Variants in BMS1 observed in about 807,000 individuals in gnomAD.
The protein encoded by BMS1 is BMS1 ribosome biogenesis factor.
A neutral mutation model predicts 138.7 loss-of-function variants in BMS1; 53 were observed. The observed-to-expected ratio is 0.38, with a 90% CI of 0.31 to 0.48. BMS1 has a LOEUF of 0.48. BMS1 is among the 20% of genes least tolerant of loss of function. The probability of loss-of-function intolerance (pLI) is 0.97; values close to 1 mark genes in which losing one functional copy is unlikely to be tolerated. For synonymous variants in BMS1, 504 were observed against 539.9 expected, an observed-to-expected ratio of 0.93 and a Z score of 0.92; for missense variants, 1,360 against 1,565.5, an observed-to-expected ratio of 0.87 and a Z score of 2.22.
In BMS1 at chr10:42,820,385, T is replaced by C; in HGVS notation, c.2730T>C (p.Gly910=). 3 of 1,613,848 alleles carry C rather than the reference T, an allele frequency of 1.9e-6. No individual in the cohort carries two copies. The highest frequency in any genetic ancestry group is 2.5e-6 in the Non-Finnish European group (3 of 1,179,848). Reference sequence around the variant, plus strand: ...ACCCCCATTACCCCATTATCCTGGGTGGCTTGGGCAACAGTGAGGGAAATG... The same window carrying C: ...ACCCCCATTACCCCATTATCCTGGGCGGCTTGGGCAACAGTGAGGGAAATG... The part of the protein sequence containing the change: ...NFDPHYPIIL[G]GLGNSEGNVG... Residue 910 remains glycine, a synonymous_variant, in exon 16 of 23, where the codon GGT becomes GGC. Transcript: ENST00000374518.
chr10:42,821,542 CTTT>C (rs34272995), intron 18 of BMS1, among the ~76,000 whole-genome samples: 5,037 of 68,956 alleles, frequency 0.073, 308 homozygotes, highest in Non-Finnish European at 0.094. Flanking sequence ...CTCAAGGCGC[CTTT>C]TTTTTTTTTT....
rs1220700029 is a variant in BMS1, at chr10:42,785,717, A to G, written c.367+45A>G. ...ACACAGAGTTGGCGTGGCTGTTGTC[A>G]TCTGAGGGACATGCATGCGTTTGTT... On this transcript the variant is annotated intron_variant, in intron 3 of 22. Transcript: ENST00000374518. 44 of 1,584,220 alleles carry G rather than the reference A, an allele frequency of 2.8e-5. No homozygotes were observed. In the South Asian group the frequency reaches 3.4e-4, roughly 12 times the overall value.
At chr10:42,822,625 A>T (rs753627205) in intron 19 of BMS1, among the ~76,000 whole-genome samples, 43 of 152,312 alleles carry the variant, frequency 2.8e-4, no homozygotes, top group South Asian at 6.2e-4. Flanking sequence ...GTATTTGGGG[A>T]GGTTGGTTTG....
chr10:42,798,761 G>T (rs1002838369), intron 12 of BMS1, 136 bp downstream of exon 12: 11 of 1,238,948 alleles, frequency 8.9e-6, no homozygotes, highest in Non-Finnish European at 1.2e-5. Flanking sequence ...CCCAGATATT[G>T]TAGTGGGCGC....
intron 11 of BMS1, 105 bp from the exon 12 acceptor site, chr10:42,798,363 C>G (rs1429828375): frequency 9.2e-6 from 13 of 1,409,534 alleles, no homozygotes; most frequent in Non-Finnish European, 1.3e-5. Flanking sequence ...GACAGAGTCC[C>G]TCAGTTCCTG....
chr10:42,814,483 CTTTG>C (rs1486905205), intron 13 of BMS1, among the ~76,000 whole-genome samples: 4 of 152,152 alleles, frequency 2.6e-5, no homozygotes, highest in East Asian at 1.9e-4. Context: ...GTTTTCAGTT[CTTTG>C]TTTGTTGCCA....
At chr10:42,806,265 A>G (rs1284347031) in intron 13 of BMS1, among the ~76,000 whole-genome samples, 6 of 152,166 alleles carry the variant, frequency 3.9e-5, no homozygotes, top group Non-Finnish European at 8.8e-5. Flanking sequence ...GCAGGAAACT[A>G]TCTACAGAAA....
chr10:42,816,513 G>C, intron 13 of BMS1, 86 bp from the exon 14 acceptor site: 1 of 1,092,402 alleles, frequency 9.2e-7, no homozygotes, highest in South Asian at 1.5e-5. Flanking sequence ...TTGGAACGCA[G>C]AGCACACTGT....
rs761363112 is a variant in BMS1, at chr10:42,796,558, A to G, written c.1314A>G (p.Glu438=). 1.2e-6 allele frequency: 2 copies of G among 1,614,218 alleles called. No homozygotes were observed. The highest frequency in any genetic ancestry group is 2.2e-5 in the South Asian group (2 of 91,084). ...RRKAIFGDED[E]SGDSDDEEDD... ...AAGCCATTTTCGGAGATGAAGATGA[A>G]TCTGGAGATAGTGATGATGAAGAAG... The change falls in exon 10 of 23, where the codon GAA becomes GAG. Residue 438 remains glutamate (E), a synonymous_variant. Coordinates refer to ENST00000374518, the MANE Select transcript of BMS1 (RefSeq NM_014753.4).
rs779609546 is a variant in BMS1 at position 42,792,546 on chromosome 10, G to A, written c.833G>A (p.Arg278Gln). 1.2e-5 allele frequency: 20 copies of A among 1,611,494 alleles called. No individual in the cohort carries two copies. The highest frequency in any genetic ancestry group is 2.2e-4 in the Middle Eastern group (1 of 4,450). Residue 278 changes from arginine to glutamine, a missense_variant, in exon 7 of 23, where the codon CGG becomes CAG. Transcript: ENST00000374518. ...EDIRTNIKCD[R>Q]KVSLYGYLRG... ...ATCCGAACAAACATCAAATGTGACC[G>A]GAAGGTGTCACTTTATGGTTATTTA...
chr10:42,802,111 C>T (rs775694120), intron 12 of BMS1, 26 bp from the exon 13 acceptor site: 11 of 1,584,254 alleles, frequency 6.9e-6, no homozygotes, highest in Non-Finnish European at 9.5e-6. Context: ...GAACACCTCA[C>T]CTAAGTGCTG....
intron 6 of BMS1, 118 bp downstream of exon 6, chr10:42,791,887 G>A (rs1473947356): frequency 6.3e-6 from 8 of 1,262,230 alleles, no homozygotes; most frequent in Non-Finnish European, 8.6e-6. Flanking sequence ...GGATAGAAGT[G>A]TAGTTGATGG....
At chr10:42,786,689 T>C (rs1841340998) in intron 3 of BMS1, among the ~76,000 whole-genome samples, 1 of 152,122 alleles carries the variant, frequency 6.6e-6, no homozygotes, top group South Asian at 2.1e-4. Flanking sequence ...GCCTCCCAAG[T>C]TGCTGGGACT....
intron 21 of BMS1, among the ~76,000 whole-genome samples, chr10:42,824,842 T>C (rs922490767): frequency 3.5e-4 from 54 of 152,188 alleles, no homozygotes; most frequent in Middle Eastern, 3.4e-3. Flanking sequence ...GTTCCATTGG[T>C]CTATTTTTTT....
intron 13 of BMS1, among the ~76,000 whole-genome samples, chr10:42,803,365 C>T (rs187487185): frequency 8.2e-4 from 125 of 152,206 alleles, no homozygotes; most frequent in Non-Finnish European, 1.4e-3. Flanking sequence ...CCTTGAATTC[C>T]TGGGCTTAAG....
rs1270527809 is a variant in BMS1 at position 42,784,622 on chromosome 10, G to C, written c.176+52G>C. 6.5e-6 allele frequency: 10 copies of C among 1,542,528 alleles called. No individual in the cohort carries two copies. In the South Asian group the frequency reaches 1.3e-4, roughly 20 times the overall value. On this transcript the variant is annotated intron_variant, in intron 2 of 22. Coordinates refer to ENST00000374518, the MANE Select transcript of BMS1 (RefSeq NM_014753.4). ...CTTCCATTGATTCTTTTTTTAAATAGTAGGAGCCTCTCACAGGTGACATTT... is the reference window on the plus strand; with the variant it reads ...CTTCCATTGATTCTTTTTTTAAATACTAGGAGCCTCTCACAGGTGACATTT...
rs775093497 is a variant in BMS1 at position 42,797,464 on chromosome 10, A to G, written c.2030A>G (p.Glu677Gly). ...GAAGACCTTTCCAGAAAGGCAGCTG[A>G]GGCCTTTCTGAGGCAGCAGCAAGCA... ...WKEDLSRKAA[E>G]AFLRQQQAAP... is the part of the protein sequence containing the mutation. The change falls in exon 11 of 23, where the codon GAG becomes GGG. Residue 677 changes from glutamate (E) to glycine (G), a missense_variant. This residue lies in a region of BMS1 where 697 missense variants were observed against 686.2 expected (regional missense o/e 1.02). Transcript: ENST00000374518. 8.1e-6 allele frequency: 13 copies of G among 1,614,246 alleles called. No individual in the cohort carries two copies. The Admixed American group carries it at 2.2e-4, about 27-fold the overall frequency.
rs577057252 is a variant in BMS1, at chr10:42,817,859, T to A, written c.2580+365T>A. On this transcript the variant is annotated intron_variant, in intron 15 of 22. Coordinates refer to ENST00000374518, the MANE Select transcript of BMS1 (RefSeq NM_014753.4). Reference sequence around the variant, plus strand: ...CTATTCCAATCGCTGCTCCCTGATTTGAATGGCAGGTGATCAGTGGCCCCT... The same window carrying A: ...CTATTCCAATCGCTGCTCCCTGATTAGAATGGCAGGTGATCAGTGGCCCCT... 2.0e-4 allele frequency among the ~76,000 whole-genome samples: 30 copies of A among 152,318 alleles called. No homozygotes were observed. The South Asian group carries it at 4.6e-3, about 23-fold the overall frequency.
rs989833876 is a variant in BMS1, at chr10:42,831,431, T to G, written c.*335T>G. 4.8e-6 allele frequency: 1 copy of G among 207,576 alleles called. No individual in the cohort carries two copies. Among genetic ancestry groups the G allele is most frequent in the African/African-American group, 2.3e-5 (1 of 43,036 alleles). The allele number at this position is 207,576 out of a possible 1,614,324, so 12.9% of individuals were successfully genotyped here. A position where few individuals can be genotyped will look rare whatever the true frequency, so the allele number is the denominator to read the frequency against. On this transcript the variant is annotated 3_prime_UTR_variant, in exon 23 of 23. Transcript: ENST00000374518. ...TTGGCTTAGTAGTTTTCATTAGGGA[T>G]GAATGCCTGACAATTCTTTGTGGAT...
Sources: allele counts gnomAD v4.1 joint callset (sites outside exome capture counted in the v4.1 genomes callset), GRCh38; gene constraint gnomAD v4.1.1; regional missense constraint gnomAD v4.1.1; transcripts MANE v1.5; gene names NCBI Gene and HGNC (gene_info 2026-07-23, HGNC 2026-07-21).